The following ANKRD36C variants were observed in gnomAD, a reference collection of about 807,000 sequenced individuals.
The protein encoded by ANKRD36C is ankyrin repeat domain-containing protein 36C.
ANKRD36C carries 61 observed loss-of-function variants against 276.4 expected under a neutral mutation model. The observed-to-expected ratio is 0.22, with a 90% CI of 0.18 to 0.27. The LOEUF (loss-of-function observed/expected upper bound fraction) is 0.27. ANKRD36C is among the 10% of genes least tolerant of loss of function. The pLI is 1.00. For synonymous variants in ANKRD36C, 483 were observed against 680.1 expected, an observed-to-expected ratio of 0.71 and a Z score of 4.51; for missense variants, 1,447 against 2,032.3, an observed-to-expected ratio of 0.71 and a Z score of 5.54.
chr2:95,959,542 A>G (rs1678407751), intron 10 of ANKRD36C, among the ~76,000 whole-genome samples: 1 of 152,202 alleles, frequency 6.6e-6, no homozygotes, highest in African/African-American at 2.4e-5. Flanking sequence ...AGCATTAGAT[A>G]TGAATAAGCT....
At chr2:95,960,278 A>G (rs182558072) in intron 10 of ANKRD36C, among the ~76,000 whole-genome samples, 195 bp downstream of exon 10, 189 of 152,100 alleles carry the variant, frequency 1.2e-3, no homozygotes, top group African/African-American at 4.5e-3. Flanking sequence ...AGGGAAGTCT[A>G]TAGTCTTACT....
Position 95,897,142 on chromosome 2 carries a change from AATG to A in ANKRD36C, c.2755+2000_2755+2002del, listed in dbSNP as rs1396341163. 2 of 1,097,784 alleles carry A rather than the reference AATG, an allele frequency of 1.8e-6. 1 individual carries two copies. Among genetic ancestry groups the A allele is most frequent in the African/African-American group, 3.2e-5 (2 of 62,622 alleles). 68.0% of individuals were successfully genotyped at this position (1,097,784 alleles called of 1,614,324 possible). On this transcript the variant is annotated intron_variant, in intron 44 of 66. Coordinates refer to ENST00000456556, the Ensembl canonical transcript of ANKRD36C. Reference sequence around the variant, plus strand: ...CATCATCACCCACAAACTTATTTGAAATGAAGAATCTCAGGACTGCTGAATCAG... The same window carrying A: ...CATCATCACCCACAAACTTATTTGAAAAGAATCTCAGGACTGCTGAATCAG...
intron 6 of ANKRD36C, among the ~76,000 whole-genome samples, chr2:95,975,541 T>A (rs1304426977): frequency 6.6e-6 from 1 of 152,154 alleles, no homozygotes; most frequent in Non-Finnish European, 1.5e-5. Context: ...ATTCCCTATT[T>A]AATAAATGGT....
At chr2:95,861,008 G>C (rs1675565108) in intron 60 of ANKRD36C, among the ~76,000 whole-genome samples, 1 of 152,156 alleles carries the variant, frequency 6.6e-6, no homozygotes, top group Admixed American at 6.6e-5. Context: ...ACAATGACTG[G>C]AAGAGGGTCC....
At position 95,857,636 on chromosome 2, in the gene ANKRD36C, C is replaced by G. The variant is rs1363812759; in HGVS notation, c.3897-144G>C. ...CTCATCAGATGGGTTTTATTTGACC[C>G]TGTATATTGTGACTTGCTTTTCAAT... On this transcript the variant is annotated intron_variant, in intron 61 of 66. Transcript: ENST00000456556. 4.8e-6 allele frequency: 3 copies of G among 623,066 alleles called. No individual in the cohort carries two copies. The East Asian group carries it at 8.4e-5, about 17-fold the overall frequency. The allele number at this position is 623,066 out of a possible 1,614,324, so 38.6% of individuals were successfully genotyped here.
chr2:95,987,308 A>C (rs1485854932), intron 1 of ANKRD36C, 102 bp from the exon 2 acceptor site: 8 of 1,481,224 alleles, frequency 5.4e-6, no homozygotes, highest in Admixed American at 2.4e-5. Flanking sequence ...TTGTGAAGAA[A>C]GTACATTTGT....
intron 13 of ANKRD36C, among the ~76,000 whole-genome samples, chr2:95,954,764 C>T (rs1177803801): frequency 6.6e-6 from 1 of 152,268 alleles, no homozygotes; most frequent in Non-Finnish European, 1.5e-5. Context: ...CCTTCATAGA[C>T]ACTCAGATGC....
intron 59 of ANKRD36C, among the ~76,000 whole-genome samples, chr2:95,868,369 T>C (rs1413655529): frequency 6.6e-6 from 1 of 151,770 alleles, no homozygotes; most frequent in Non-Finnish European, 1.5e-5. Context: ...AATCACTAAA[T>C]TGAGGCATAT....
chr2:95,870,613 C>G (rs983548265), intron 59 of ANKRD36C, among the ~76,000 whole-genome samples: 5 of 152,182 alleles, frequency 3.3e-5, no homozygotes, highest in Non-Finnish European at 7.3e-5. Context: ...AGCGCCTCTC[C>G]TCTTCCAAAG....
intron 64 of ANKRD36C, chr2:95,852,694 G>C (rs1675322204): frequency 6.6e-6 from 1 of 152,280 alleles, no homozygotes; most frequent in African/African-American, 2.4e-5. Context: ...TTTATTTTTT[G>C]TATGTATGCA....
At chr2:95,944,134 A>T (rs1677970611) in intron 19 of ANKRD36C, among the ~76,000 whole-genome samples, 1 of 152,228 alleles carries the variant, frequency 6.6e-6, no homozygotes. Flanking sequence ...ATCTATATTT[A>T]AAATAATTCT....
chr2:95,856,457 T>C (rs1206958684), intron 62 of ANKRD36C, among the ~76,000 whole-genome samples: 1 of 152,130 alleles, frequency 6.6e-6, no homozygotes, highest in Non-Finnish European at 1.5e-5. Flanking sequence ...AGGCTTTTAC[T>C]GAATTACAAC....
At chr2:95,922,726 G>A (rs372936015) in intron 32 of ANKRD36C, among the ~76,000 whole-genome samples, 18 of 151,544 alleles carry the variant, frequency 1.2e-4, no homozygotes, top group Admixed American at 4.6e-4. Context: ...TATTTTATCC[G>A]TGAGATAGCT....
chr2:95,909,417 A>G (rs1283304253), intron 42 of ANKRD36C, among the ~76,000 whole-genome samples: 4 of 74,142 alleles, frequency 5.4e-5, no homozygotes, highest in Admixed American at 1.8e-4. Context: ...TTTGACATAC[A>G]TATACAAAGT....
At chr2:95,912,095 A>G in intron 42 of ANKRD36C, 149 bp downstream of exon 44, 1 of 1,165,688 alleles carries the variant, frequency 8.6e-7, no homozygotes, top group South Asian at 1.5e-5. Flanking sequence ...CAGCAGCATC[A>G]GCATAACCCA....
At position 95,908,590 on chromosome 2, in the gene ANKRD36C, A is replaced by G; in HGVS notation, c.2653+3654T>C. On this transcript the variant is annotated intron_variant, in intron 42 of 66. Coordinates refer to ENST00000456556, the Ensembl canonical transcript of ANKRD36C. ...CTCTTGTAGCCTGAATGGAATTTGA[A>G]ATGCAATAATAAATTAATAAAGTAT... The G allele has an allele frequency of 6.4e-7, 1 of 1,564,894 alleles. No individual in the cohort carries two copies. The highest frequency in any genetic ancestry group is 8.7e-7 in the Non-Finnish European group (1 of 1,151,932).
exon 38 of ANKRD36C, chr2:95,916,011 T>C: frequency 1.9e-6 from 3 of 1,561,572 alleles, no homozygotes; most frequent in East Asian, 2.4e-5. Flanking sequence ...CCTTTTTTTC[T>C]CTGGTTATAT....
chr2:95,917,129 C>G (rs1677122147), intron 36 of ANKRD36C, among the ~76,000 whole-genome samples: 1 of 151,560 alleles, frequency 6.6e-6, no homozygotes, highest in Admixed American at 6.6e-5. Flanking sequence ...TCAAGTTTAT[C>G]TCATTTTTAT....
Position 95,985,547 on chromosome 2 carries a change from T to C in ANKRD36C, c.486+1204A>G, listed in dbSNP as rs2579532. 7.5e-3 allele frequency among the ~76,000 whole-genome samples: 1,140 copies of C among 152,278 alleles called. 15 individuals carry two copies. The highest frequency in any genetic ancestry group is 0.026 in the African/African-American group (1,089 of 41,532). On this transcript the variant is annotated intron_variant, in intron 3 of 66. Transcript: ENST00000456556. ...AAGGAAATATTTTAAAACATACATG[T>C]CCAGTAATATTTAATAGTAAATATT... is the stretch of plus-strand genomic sequence containing the variant.
Sources: allele counts gnomAD v4.1 joint callset (sites outside exome capture counted in the v4.1 genomes callset), GRCh38; gene constraint gnomAD v4.1.1; transcripts MANE v1.5; gene names NCBI Gene and HGNC (gene_info 2026-07-23, HGNC 2026-07-21).